The following ROBO1 variants were observed in gnomAD, a reference collection of about 807,000 sequenced individuals.
The protein encoded by ROBO1 is roundabout homolog 1.
In ROBO1, 149 loss-of-function variants were observed where a neutral mutation model predicts 195.9. The ratio of observed to expected loss-of-function variants is 0.76; its 90% CI spans 0.67 to 0.87. The LOEUF (loss-of-function observed/expected upper bound fraction) is 0.87. Among genes scored for constraint, ROBO1 ranks in the 40% least tolerant of loss-of-function variants. ROBO1 has a pLI of 0.00. For synonymous variants in ROBO1, 816 were observed against 733.2 expected (o/e 1.11, Z -1.82); for missense variants, 1,933 against 2,068.3 (o/e 0.93, Z 1.27).
intron 1 of ROBO1, 86 bp downstream of exon 1, chr3:79,767,666 C>T (rs1705069247): frequency 6.6e-6 from 1 of 152,242 alleles, no homozygotes; most frequent in African/African-American, 2.4e-5. Context: ...TGCACTCCAA[C>T]AACCACTAGT....
At chr3:79,508,922 A>G (rs1940552733) in intron 2 of ROBO1, among the ~76,000 whole-genome samples, 1 of 152,214 alleles carries the variant, frequency 6.6e-6, no homozygotes, top group Non-Finnish European at 1.5e-5. Context: ...CATTTAAGAT[A>G]CAATCTGACA....
At chr3:79,197,762 T>C (rs2081667515) in intron 2 of ROBO1, among the ~76,000 whole-genome samples, 1 of 152,134 alleles carries the variant, frequency 6.6e-6, no homozygotes, top group Admixed American at 6.6e-5. Flanking sequence ...CTTATTGTGG[T>C]TTTGATTTGC....
At chr3:78,777,356 A>T (rs1392354254) in intron 4 of ROBO1, among the ~76,000 whole-genome samples, 1 of 152,202 alleles carries the variant, frequency 6.6e-6, no homozygotes, top group Non-Finnish European at 1.5e-5. Context: ...TTGAAACAAG[A>T]GACAAAAGAC....
At chr3:79,305,318 C>T (rs994010097) in intron 2 of ROBO1, among the ~76,000 whole-genome samples, 3 of 151,892 alleles carry the variant, frequency 2.0e-5, no homozygotes, top group African/African-American at 7.3e-5. Flanking sequence ...GAAAACCCGT[C>T]TTTACTAAAA....
intron 3 of ROBO1, among the ~76,000 whole-genome samples, chr3:78,962,429 A>C (rs1437322931): frequency 6.6e-6 from 1 of 152,194 alleles, no homozygotes; most frequent in Non-Finnish European, 1.5e-5. Flanking sequence ...TATTTCCCTA[A>C]TAATTTGCAG....
intron 3 of ROBO1, among the ~76,000 whole-genome samples, chr3:78,963,173 G>C (rs182261759): frequency 1.3e-5 from 2 of 151,972 alleles, no homozygotes; most frequent in East Asian, 3.9e-4. Context: ...TTCAAAACCT[G>C]ATACAAATCT....
At chr3:79,103,261 T>G (rs2079712426) in intron 3 of ROBO1, among the ~76,000 whole-genome samples, 1 of 151,854 alleles carries the variant, frequency 6.6e-6, no homozygotes, top group East Asian at 1.9e-4. Context: ...AAGTAAGACA[T>G]AGCTAAAAAG....
At chr3:79,195,851 GTTTA>G (rs1317024495) in intron 2 of ROBO1, among the ~76,000 whole-genome samples, 21 of 150,736 alleles carry the variant, frequency 1.4e-4, no homozygotes, top group Middle Eastern at 6.8e-3. Context: ...TTCCCTTATA[GTTTA>G]TTTATTAATG....
At position 79,324,933 on chromosome 3, in the gene ROBO1, C is replaced by T. The variant is rs1002444545; in HGVS notation, c.89-199394G>A. Among the ~76,000 whole-genome samples the T allele has an allele frequency of 5.9e-5, 9 of 152,200 alleles. No homozygotes were observed. The East Asian group carries it at 1.5e-3, about 26-fold the overall frequency. ...AGCCCAGAGTGGAAAGTATAGTCTT[C>T]GAGTTGAGAGTTGATGGTTACTCCC... On this transcript the variant is annotated intron_variant, in intron 2 of 30. Transcript: ENST00000464233.
chr3:79,608,659 T>G (rs1274718935), intron 1 of ROBO1, among the ~76,000 whole-genome samples: 1 of 151,984 alleles, frequency 6.6e-6, no homozygotes, highest in Non-Finnish European at 1.5e-5. Context: ...ATAAAGCATT[T>G]ATTTATTTAT....
intron 2 of ROBO1, among the ~76,000 whole-genome samples, chr3:79,424,620 TTC>T (rs1221391392): frequency 6.6e-6 from 1 of 152,138 alleles, no homozygotes; most frequent in African/African-American, 2.4e-5. Context: ...ACTGTCATTC[TTC>T]TCTTACTTTT....
intron 2 of ROBO1, among the ~76,000 whole-genome samples, chr3:79,476,468 T>C (rs1559926683): frequency 6.6e-6 from 1 of 152,114 alleles, no homozygotes. Flanking sequence ...CGCATGTTTA[T>C]AGCAGCAAAA....
chr3:79,248,058 A>G (rs748446455), intron 2 of ROBO1, among the ~76,000 whole-genome samples: 1 of 152,128 alleles, frequency 6.6e-6, no homozygotes, highest in Non-Finnish European at 1.5e-5. Context: ...GAAGAGAGGG[A>G]AATCTGTGTT....
intron 8 of ROBO1, among the ~76,000 whole-genome samples, chr3:78,711,380 TTC>T (rs1559773286): frequency 2.2e-3 from 76 of 33,824 alleles, no homozygotes; most frequent in Middle Eastern, 0.013. Context: ...CCTTCCTTCC[TTC>T]CTTCCTTCCT....
At chr3:79,004,487 A>G (rs188042329) in intron 3 of ROBO1, among the ~76,000 whole-genome samples, 31 of 152,298 alleles carry the variant, frequency 2.0e-4, no homozygotes, top group African/African-American at 7.5e-4. Context: ...TGTATGCAAT[A>G]TGGCATGACT....
chr3:79,703,507 A>G (rs1343821485), intron 1 of ROBO1, among the ~76,000 whole-genome samples: 1 of 151,850 alleles, frequency 6.6e-6, no homozygotes, highest in African/African-American at 2.4e-5. Flanking sequence ...AAAAAATATG[A>G]AACATTATTT....
intron 4 of ROBO1, among the ~76,000 whole-genome samples, chr3:78,790,839 CTG>C (rs2083996760): frequency 6.6e-6 from 1 of 152,156 alleles, no homozygotes; most frequent in Non-Finnish European, 1.5e-5. Flanking sequence ...CAGACAGCTG[CTG>C]TAATTCTAGG....
chr3:78,627,161 T>C (rs1704849354), intron 26 of ROBO1, among the ~76,000 whole-genome samples, 160 bp downstream of exon 26: 1 of 152,218 alleles, frequency 6.6e-6, no homozygotes, highest in Admixed American at 6.5e-5. Flanking sequence ...TGGTCAACAA[T>C]ATGACTTCAT....
intron 2 of ROBO1, among the ~76,000 whole-genome samples, chr3:79,447,122 C>A (rs1032218858): frequency 6.6e-6 from 1 of 152,154 alleles, no homozygotes; most frequent in African/African-American, 2.4e-5. Flanking sequence ...AGCCACCATG[C>A]GCGGCCCAAA....
Sources: gnomAD v4.1 joint callset for allele counts (sites outside exome capture counted in the v4.1 genomes callset) on GRCh38, gnomAD v4.1.1 for gene constraint, MANE v1.5 for transcripts, NCBI Gene and HGNC (gene_info 2026-07-23, HGNC 2026-07-21) for gene names.